Variants in SYT10 observed in about 807,000 individuals in gnomAD.
The protein encoded by SYT10 is synaptotagmin-10.
SYT10 carries 31 observed loss-of-function variants against 51.1 expected under a neutral mutation model. The observed-to-expected ratio is 0.61, with a 90% CI of 0.46 to 0.82. SYT10 has a LOEUF of 0.82. SYT10 is among the 40% of genes least tolerant of loss of function. SYT10 has a pLI of 0.00. For synonymous variants in SYT10, 233 were observed against 225.9 expected (o/e 1.03, Z -0.28); for missense variants, 603 against 634.0 (o/e 0.95, Z 0.53).
At chr12:33,430,386 A>G (rs1866586964) in intron 1 of SYT10, among the ~76,000 whole-genome samples, 2 of 152,346 alleles carry the variant, frequency 1.3e-5, no homozygotes, top group African/African-American at 4.8e-5. Context: ...GAACTTTGCT[A>G]AAGTCTGTAT....
At chr12:33,424,477 G>A (rs1169493611) in intron 2 of SYT10, among the ~76,000 whole-genome samples, 4 of 152,048 alleles carry the variant, frequency 2.6e-5, no homozygotes, top group East Asian at 3.9e-4. Context: ...ATTAATTGAA[G>A]ATTTTTACCT....
At chr12:33,377,546 T>A (rs564334027) in intron 6 of SYT10, among the ~76,000 whole-genome samples, 1 of 152,270 alleles carries the variant, frequency 6.6e-6, no homozygotes, top group Non-Finnish European at 1.5e-5. Flanking sequence ...AATCCTTAAA[T>A]GCCTGTATGT....
intron 3 of SYT10, chr12:33,405,505 T>C (rs1866344925): frequency 6.6e-6 from 1 of 152,084 alleles, no homozygotes; most frequent in Non-Finnish European, 1.5e-5. Context: ...GAATACAATA[T>C]TGAACTGGCA....
intron 2 of SYT10, among the ~76,000 whole-genome samples, chr12:33,422,282 A>G (rs1866512097): frequency 6.6e-6 from 1 of 152,084 alleles, no homozygotes; most frequent in African/African-American, 2.4e-5. Flanking sequence ...CTGAAGTGCC[A>G]CTTAATGTTT....
chr12:33,435,938 A>C (rs1450984040), intron 1 of SYT10, among the ~76,000 whole-genome samples: 7 of 152,176 alleles, frequency 4.6e-5, no homozygotes, highest in South Asian at 2.1e-4. Flanking sequence ...CTAAATTTTT[A>C]TTTTAGAATT....
chr12:33,439,442 G>T lies in SYT10; in HGVS notation c.81C>A (p.Gly27=), dbSNP rs759429742. The T allele has an allele frequency of 2.5e-6, 4 of 1,614,118 alleles. No homozygotes were observed. The change falls in exon 1 of 7, where the codon GGC becomes GGA. Residue 27 remains glycine, a synonymous_variant. Transcript: ENST00000228567. ...CCGAGCACTTCTCCCACTCCACCTG[G>T]CCGGCGAAGCACAGCTCGGTGACGA... is the stretch of plus-strand genomic sequence containing the variant. ...LHIVTELCFA[G]QVEWEKCSGI...
At chr12:33,431,945 C>T (rs757977990) in intron 1 of SYT10, among the ~76,000 whole-genome samples, 1 of 151,950 alleles carries the variant, frequency 6.6e-6, no homozygotes, top group Non-Finnish European at 1.5e-5. Context: ...AGAAAAAATG[C>T]ATCATTAACA....
At chr12:33,400,606 A>T (rs1228288413) in intron 3 of SYT10, among the ~76,000 whole-genome samples, 5 of 152,222 alleles carry the variant, frequency 3.3e-5, no homozygotes, top group Non-Finnish European at 7.3e-5. Flanking sequence ...TGAATAGGTA[A>T]GTAAATAAAT....
intron 1 of SYT10, among the ~76,000 whole-genome samples, chr12:33,427,862 A>G (rs910672794): frequency 6.6e-6 from 1 of 152,358 alleles, no homozygotes. Flanking sequence ...TTTGTGATTC[A>G]TTTAACTATG....
chr12:33,425,056 C>T lies in SYT10; in HGVS notation c.509+1082G>A, dbSNP rs181407035. On this transcript the variant is annotated intron_variant, in intron 2 of 6. Transcript: ENST00000228567. ...AGTGGATTTATTTGTAGATATAATT[C>T]TCCCATTTACACAAAATACATATTG... 3.3e-3 allele frequency among the ~76,000 whole-genome samples: 502 copies of T among 152,160 alleles called. 1 individual carries two copies. The highest frequency in any genetic ancestry group is 0.012 in the African/African-American group (480 of 41,550).
At chr12:33,436,808 A>G (rs1003304912) in intron 1 of SYT10, among the ~76,000 whole-genome samples, 10 of 152,196 alleles carry the variant, frequency 6.6e-5, no homozygotes, top group Non-Finnish European at 1.5e-4. Context: ...TATCACTGTA[A>G]TGTTAGAACA....
chr12:33,418,362 T>G (rs906435123), intron 2 of SYT10, among the ~76,000 whole-genome samples: 4 of 152,172 alleles, frequency 2.6e-5, no homozygotes, highest in African/African-American at 9.7e-5. Flanking sequence ...CTTTTTCTTC[T>G]TTTTCCCATC....
At chr12:33,429,410 T>C (rs1488078242) in intron 1 of SYT10, among the ~76,000 whole-genome samples, 5 of 152,182 alleles carry the variant, frequency 3.3e-5, no homozygotes, top group African/African-American at 9.7e-5. Flanking sequence ...CTATAGAGAA[T>C]AGGAGAAACT....
intron 3 of SYT10, among the ~76,000 whole-genome samples, chr12:33,393,777 T>A (rs1196591949): frequency 2.0e-5 from 3 of 152,202 alleles, no homozygotes; most frequent in African/African-American, 7.2e-5. Flanking sequence ...CAGAGAGTTC[T>A]TATCTGAGCA....
chr12:33,422,175 G>T (rs1866511271), intron 2 of SYT10, among the ~76,000 whole-genome samples: 2 of 151,990 alleles, frequency 1.3e-5, no homozygotes, highest in Admixed American at 6.6e-5. Context: ...CTCTATATGT[G>T]GGGGTATATG....
intron 2 of SYT10, among the ~76,000 whole-genome samples, chr12:33,416,205 C>T (rs1460166880): frequency 5.3e-5 from 8 of 152,096 alleles, no homozygotes; most frequent in East Asian, 1.9e-4. Context: ...CTCAGCTTCC[C>T]GAGTAGCTGG....
chr12:33,396,928 G>A (rs4288842), intron 3 of SYT10, among the ~76,000 whole-genome samples: 30,560 of 151,996 alleles, frequency 0.2, 3,332 homozygotes, highest in South Asian at 0.26. Context: ...GTGAGCCACC[G>A]TGCTGGGCCC....
chr12:33,404,869 G>A (rs1310688907), intron 3 of SYT10: 1 of 152,012 alleles, frequency 6.6e-6, no homozygotes, highest in Non-Finnish European at 1.5e-5. Flanking sequence ...AATATACAAG[G>A]CATATGGGAG....
rs1240982781 is a variant in SYT10, at chr12:33,406,992, A to C, written c.874T>G (p.Leu292Val). 1 of 1,614,074 alleles carries C rather than the reference A, an allele frequency of 6.2e-7. No individual in the cohort carries two copies. Among genetic ancestry groups the C allele is most frequent in the East Asian group, 2.2e-5 (1 of 44,884 alleles). ...AAAGTTTCATCAAATAGAGGATTTA[A>C]AGTCTTTCTGTGCACGCGGGTCTGA... Reference protein sequence around the residue: ...KFQTRVHRKTLNPLFDETFQF... With the variant: ...KFQTRVHRKTVNPLFDETFQF... Residue 292 changes from leucine to valine, a missense_variant, in exon 3 of 7, where the codon TTA becomes GTA. By Grantham distance (32) the Leu-to-Val change is conservative. Coordinates refer to ENST00000228567, the MANE Select transcript of SYT10 (RefSeq NM_198992.4).
Sources: gnomAD v4.1 joint callset for allele counts (sites outside exome capture counted in the v4.1 genomes callset) on GRCh38, gnomAD v4.1.1 for gene constraint, MANE v1.5 for transcripts, NCBI Gene and HGNC (gene_info 2026-07-23, HGNC 2026-07-21) for gene names.